Variants in ERGIC1 observed in about 807,000 individuals in gnomAD.
The protein encoded by ERGIC1 is endoplasmic reticulum-Golgi intermediate compartment protein 1.
A neutral mutation model predicts 38.3 loss-of-function variants in ERGIC1; 19 were observed. That is an observed-to-expected ratio of 0.50 (90% CI 0.35 to 0.73). The LOEUF (loss-of-function observed/expected upper bound fraction) is 0.73. Ranked by LOEUF, ERGIC1 falls within the 30% of genes least tolerant of loss-of-function variation. The pLI is 0.01. For synonymous variants in ERGIC1, 124 were observed against 157.6 expected, an observed-to-expected ratio of 0.79 and a Z score of 1.60; for missense variants, 294 against 389.2, an observed-to-expected ratio of 0.76 and a Z score of 2.06.
At chr5:172,933,673 CA>C (rs1685237453) in intron 8 of ERGIC1, 1 of 152,128 alleles carries the variant, frequency 6.6e-6, no homozygotes. Context: ...TTCACTGTTT[CA>C]CAGGGGGCAT....
intron 1 of ERGIC1, among the ~76,000 whole-genome samples, chr5:172,852,846 C>G (rs912297671): frequency 2.0e-5 from 3 of 152,266 alleles, no homozygotes; most frequent in Non-Finnish European, 4.4e-5. Flanking sequence ...GCTGTGATGA[C>G]TGTTTGGTTT....
At chr5:172,910,302 A>G (rs1418697080) in intron 4 of ERGIC1, among the ~76,000 whole-genome samples, 1 of 152,106 alleles carries the variant, frequency 6.6e-6, no homozygotes, top group Admixed American at 6.5e-5. Context: ...CCTCCCAAGC[A>G]TCTCAAGCGA....
intron 3 of ERGIC1, chr5:172,898,731 C>G (rs1762793489): frequency 1.3e-5 from 2 of 152,240 alleles, no homozygotes; most frequent in Admixed American, 6.5e-5. Flanking sequence ...GTCAGAGCTC[C>G]CTTCCAGCTC....
At chr5:172,941,223 G>A (rs998872796) in intron 9 of ERGIC1, among the ~76,000 whole-genome samples, 1 of 151,636 alleles carries the variant, frequency 6.6e-6, no homozygotes, top group African/African-American at 2.4e-5. Flanking sequence ...CCAAGATCGT[G>A]CCACTGCACT....
At chr5:172,859,522 C>T (rs1289915544) in intron 1 of ERGIC1, among the ~76,000 whole-genome samples, 1 of 152,222 alleles carries the variant, frequency 6.6e-6, no homozygotes, top group Non-Finnish European at 1.5e-5. Context: ...ACAGTGCCGT[C>T]CCAAGCCTTT....
At chr5:172,942,137 T>C (rs547243220) in intron 9 of ERGIC1, among the ~76,000 whole-genome samples, 154 of 152,228 alleles carry the variant, frequency 1.0e-3, no homozygotes, top group African/African-American at 3.5e-3. Flanking sequence ...GAGGTTGCAG[T>C]GAGCCGAGAT....
chr5:172,844,254 C>T (rs988816407), intron 1 of ERGIC1, among the ~76,000 whole-genome samples: 5 of 152,196 alleles, frequency 3.3e-5, no homozygotes, highest in Admixed American at 6.5e-5. Flanking sequence ...GTACCTCAGT[C>T]GGTGATTGGG....
chr5:172,840,566 A>T (rs1761135356), intron 1 of ERGIC1, among the ~76,000 whole-genome samples: 15 of 152,170 alleles, frequency 9.9e-5, no homozygotes, highest in Admixed American at 9.2e-4. Context: ...GGCTGAGAGC[A>T]GCAGGGGAGC....
At position 172,834,318 on chromosome 5, in the gene ERGIC1, G is replaced by C; in HGVS notation, c.-96G>C. ...AGTGTCAGGGGGGCGGCCGGCGGGG[G>C]CGGGGCGGCCGGAGGAGGCGTTGGC... On this transcript the variant is annotated 5_prime_UTR_variant, in exon 1 of 10. Transcript: ENST00000393784. This position sits in a 1 kb window ranked among gnomAD's most constrained non-coding sequence, Gnocchi z 4.1. The C allele has an allele frequency of 8.9e-7, 1 of 1,122,642 alleles. No individual in the cohort carries two copies. Among genetic ancestry groups the C allele is most frequent in the Non-Finnish European group, 1.1e-6 (1 of 908,980 alleles). The allele number at this position is 1,122,642 out of a possible 1,614,324, so 69.5% of individuals were successfully genotyped here.
At chr5:172,867,019 T>C (rs998675587) in intron 1 of ERGIC1, 9 of 373,394 alleles carry the variant, frequency 2.4e-5, no homozygotes, top group African/African-American at 1.7e-4. Flanking sequence ...CAGATGGAGA[T>C]GATGATGCAG....
chr5:172,935,570 A>T, intron 9 of ERGIC1: 2 of 442,142 alleles, frequency 4.5e-6, no homozygotes, highest in Non-Finnish European at 8.2e-6. Flanking sequence ...TTCCTGAAGC[A>T]AATCTCCATA....
At chr5:172,858,982 G>A (rs1474091117) in intron 1 of ERGIC1, among the ~76,000 whole-genome samples, 2 of 152,238 alleles carry the variant, frequency 1.3e-5, no homozygotes, top group African/African-American at 4.8e-5. Context: ...CTGTGCTGAG[G>A]ACGTGATTTT....
Position 172,834,402 on chromosome 5 carries a change from G to A in ERGIC1, c.-12G>A, listed in dbSNP as rs1041940121. ...CCTGGCCTGCAGCGCTCCCACCCCC[G>A]GCGGCGGCACGATGCCCTTTGACTT... On this transcript the variant is annotated 5_prime_UTR_variant, in exon 1 of 10. Transcript: ENST00000393784. The surrounding 1 kb of genome is among the most constrained non-coding windows in gnomAD (Gnocchi z 4.1). 4.5e-6 allele frequency: 6 copies of A among 1,325,374 alleles called. No individual in the cohort carries two copies. Among genetic ancestry groups the A allele is most frequent in the African/African-American group, 3.1e-5 (2 of 65,488 alleles). The allele number at this position is 1,325,374 out of a possible 1,614,324, so 82.1% of individuals were successfully genotyped here. A position where few individuals can be genotyped will look rare whatever the true frequency, so the allele number is the denominator to read the frequency against.
chr5:172,897,442 A>AG (rs1762750133), intron 3 of ERGIC1, among the ~76,000 whole-genome samples: 1 of 139,908 alleles, frequency 7.1e-6, no homozygotes, highest in African/African-American at 2.9e-5. Flanking sequence ...AAAAAAAAAA[A>AG]AAGAGAGAGA....
At chr5:172,877,458 ATTTTT>A (rs56384349) in intron 1 of ERGIC1, among the ~76,000 whole-genome samples, 1,299 of 86,528 alleles carry the variant, frequency 0.015, 14 homozygotes, top group Middle Eastern at 0.033. Context: ...ATATATATAT[ATTTTT>A]TTTTTTTTTT....
chr5:172,841,693 TGGA>T (rs1466417331), intron 1 of ERGIC1, among the ~76,000 whole-genome samples: 3 of 152,320 alleles, frequency 2.0e-5, no homozygotes, highest in Middle Eastern at 6.8e-3. Context: ...TGAATATCTT[TGGA>T]GGAGGAGAAG....
chr5:172,853,477 C>T (rs1017857659), intron 1 of ERGIC1, among the ~76,000 whole-genome samples: 4 of 152,208 alleles, frequency 2.6e-5, no homozygotes, highest in Admixed American at 1.3e-4. Flanking sequence ...TTCCCTGCCT[C>T]GATCCCCACA....
intron 2 of ERGIC1, among the ~76,000 whole-genome samples, chr5:172,896,305 T>C (rs1016968949): frequency 6.6e-6 from 1 of 152,232 alleles, no homozygotes; most frequent in African/African-American, 2.4e-5. Flanking sequence ...ATTGCGCCAC[T>C]GCACTCCAGC....
chr5:172,889,725 G>A (rs906379823), intron 2 of ERGIC1, among the ~76,000 whole-genome samples: 1 of 152,202 alleles, frequency 6.6e-6, no homozygotes, highest in Non-Finnish European at 1.5e-5. Context: ...TAATATACAG[G>A]CTGAGTATCT....
Sources: allele counts gnomAD v4.1 joint callset (sites outside exome capture counted in the v4.1 genomes callset), GRCh38; gene constraint gnomAD v4.1.1; non-coding constraint Gnocchi (gnomAD v3.1); transcripts MANE v1.5; gene names NCBI Gene and HGNC (gene_info 2026-07-23, HGNC 2026-07-21).